Variants in TRIO observed in about 807,000 individuals in gnomAD.
TRIO encodes trio Rho guanine nucleotide exchange factor, also known as triple functional domain protein.
TRIO carries 58 observed loss-of-function variants against 351.9 expected under a neutral mutation model. The observed-to-expected ratio is 0.16, with a 90% CI of 0.13 to 0.21. The LOEUF (loss-of-function observed/expected upper bound fraction) is 0.21. Among genes scored for constraint, TRIO ranks in the 10% least tolerant of loss-of-function variants. TRIO has a pLI of 1.00. For synonymous variants in TRIO, 1,758 were observed against 1,595.7 expected (o/e 1.10, Z -2.42); for missense variants, 3,201 against 4,027.8 (o/e 0.79, Z 5.56).
At chr5:14,492,166 CT>C (rs1756535000) in intron 48 of TRIO, among the ~76,000 whole-genome samples, 1 of 152,126 alleles carries the variant, frequency 6.6e-6, no homozygotes, top group Non-Finnish European at 1.5e-5. Flanking sequence ...TCAATTAATT[CT>C]AATACCTTTT....
Position 14,479,978 on chromosome 5 carries a change from G to A in TRIO, c.6303G>A (p.Val2101=), listed in dbSNP as rs745857186. 5.6e-6 allele frequency: 9 copies of A among 1,614,186 alleles called. No homozygotes were observed. In the South Asian group the frequency reaches 9.9e-5, roughly 18 times the overall value. ...LQLTDLLIKP[V]QRIMKYQLLL... Reference sequence around the variant, plus strand: ...TCACAGATCTGTTGATCAAACCAGTGCAGAGAATCATGAAGTATCAGCTGT... The same window carrying A: ...TCACAGATCTGTTGATCAAACCAGTACAGAGAATCATGAAGTATCAGCTGT... The change falls in exon 43 of 57, where the codon GTG becomes GTA. Residue 2101 remains valine (V), a synonymous_variant. Transcript: ENST00000344204.
chr5:14,211,160 TA>T (rs1791865858), intron 1 of TRIO, among the ~76,000 whole-genome samples: 1 of 152,242 alleles, frequency 6.6e-6, no homozygotes. Context: ...AAGTTATAGT[TA>T]GATCAACGAT....
chr5:14,359,256 C>T (rs867795096), intron 12 of TRIO, 101 bp from the exon 13 acceptor site: 2 of 1,436,546 alleles, frequency 1.4e-6, no homozygotes, highest in Middle Eastern at 1.8e-4. Context: ...AGTGCAGCTT[C>T]CTGCCAGCTT....
At position 14,189,736 on chromosome 5, in the gene TRIO, T is replaced by A. The variant is rs201521398; in HGVS notation, c.157+45854T>A. ...GAATGTCTTCGTTTTAACTTTTTTT[T>A]TTTTTTCAAGATGGGGTGAGGTCTT... is the stretch of plus-strand genomic sequence containing the variant. On this transcript the variant is annotated intron_variant, in intron 1 of 56. Coordinates refer to ENST00000344204, the MANE Select transcript of TRIO (RefSeq NM_007118.4). Among the ~76,000 whole-genome samples the A allele has an allele frequency of 7.0e-4, 107 of 152,208 alleles. No individual in the cohort carries two copies. The East Asian group carries it at 0.019, about 27-fold the overall frequency.
chr5:14,271,707 A>G (rs1795984989), intron 2 of TRIO, among the ~76,000 whole-genome samples: 1 of 152,216 alleles, frequency 6.6e-6, no homozygotes, highest in African/African-American at 2.4e-5. Flanking sequence ...ATGCTTTTAG[A>G]TGAATTTCCC....
chr5:14,361,402 C>T (rs1473737238), intron 13 of TRIO, among the ~76,000 whole-genome samples: 1 of 152,180 alleles, frequency 6.6e-6, no homozygotes, highest in African/African-American at 2.4e-5. Flanking sequence ...GCAGAGGAAG[C>T]TGTACCTGCA....
At chr5:14,213,251 CCTCTT>C (rs1258401035) in intron 1 of TRIO, among the ~76,000 whole-genome samples, 1 of 151,678 alleles carries the variant, frequency 6.6e-6, no homozygotes, top group Non-Finnish European at 1.5e-5. Context: ...CTCTTCTTCC[CCTCTT>C]CTCTCTCAAA....
chr5:14,184,100 T>A (rs116540925), intron 1 of TRIO: 387 of 605,230 alleles, frequency 6.4e-4, no homozygotes, highest in African/African-American at 6.2e-3. Context: ...TGACAGAGAA[T>A]GTTGTGTGTT....
intron 11 of TRIO, among the ~76,000 whole-genome samples, chr5:14,344,059 T>C (rs970767102): frequency 2.6e-5 from 4 of 152,276 alleles, no homozygotes; most frequent in African/African-American, 4.8e-5. Context: ...CTGCGCTCTT[T>C]AGTGCATTAA....
At chr5:14,278,714 A>G (rs1262571453) in intron 2 of TRIO, among the ~76,000 whole-genome samples, 4 of 152,234 alleles carry the variant, frequency 2.6e-5, no homozygotes, top group African/African-American at 7.2e-5. Context: ...AATTAGAGCC[A>G]TTGATGTTAC....
intron 49 of TRIO, among the ~76,000 whole-genome samples, chr5:14,495,576 C>T (rs1040566761): frequency 7.3e-6 from 1 of 136,084 alleles, no homozygotes; most frequent in South Asian, 2.4e-4. Flanking sequence ...AATCCCAGAA[C>T]GTTTGGAGGC....
chr5:14,259,426 T>G (rs1795216863), intron 1 of TRIO, among the ~76,000 whole-genome samples: 1 of 152,274 alleles, frequency 6.6e-6, no homozygotes, highest in Non-Finnish European at 1.5e-5. Flanking sequence ...TTCTCTTTGT[T>G]TTCTGCGTTA....
At position 14,196,891 on chromosome 5, in the gene TRIO, C is replaced by T. The variant is rs372589113; in HGVS notation, c.157+53009C>T. ...GAGTCATGTTCCAAAATTTTATATC[C>T]GAAAATTATCAAAGGCCATTTGGCC... On this transcript the variant is annotated intron_variant, in intron 1 of 56. Transcript: ENST00000344204. Among the ~76,000 whole-genome samples the T allele has an allele frequency of 5.9e-5, 9 of 152,106 alleles. No homozygotes were observed. The East Asian group carries it at 1.3e-3, about 23-fold the overall frequency.
chr5:14,282,442 G>A (rs1017916792), intron 3 of TRIO, among the ~76,000 whole-genome samples: 27 of 152,074 alleles, frequency 1.8e-4, no homozygotes, highest in African/African-American at 6.0e-4. Context: ...CTATATAGTG[G>A]TAACTTTGAC....
chr5:14,291,962 C>G (rs1217141668), intron 5 of TRIO, among the ~76,000 whole-genome samples: 1 of 152,030 alleles, frequency 6.6e-6, no homozygotes, highest in Non-Finnish European at 1.5e-5. Flanking sequence ...ATGTTTTATT[C>G]TTATGCACCA....
Position 14,329,874 on chromosome 5 carries a change from C to A in TRIO, c.1732-904C>A, listed in dbSNP as rs1220070790. Among the ~76,000 whole-genome samples the A allele has an allele frequency of 2.0e-5, 3 of 152,150 alleles. No individual in the cohort carries two copies. In the South Asian group the frequency reaches 6.2e-4, roughly 31 times the overall value. On this transcript the variant is annotated intron_variant, in intron 9 of 56. Transcript: ENST00000344204. ...TACCAAAACCTATGGGTGCCTAAGT[C>A]CTGCATTTGGTCCTCTGTATATGTG...
intron 1 of TRIO, among the ~76,000 whole-genome samples, chr5:14,214,742 A>G (rs1217396602): frequency 6.6e-6 from 1 of 152,242 alleles, no homozygotes; most frequent in Non-Finnish European, 1.5e-5. Flanking sequence ...CTTTGATGAT[A>G]CAGGACCTCA....
At chr5:14,225,959 T>G (rs144907932) in intron 1 of TRIO, among the ~76,000 whole-genome samples, 2 of 152,232 alleles carry the variant, frequency 1.3e-5, no homozygotes, top group East Asian at 3.9e-4. Flanking sequence ...GGGAAATAAA[T>G]TAAAAGTCAG....
In TRIO at chr5:14,335,238, T is replaced by C. The variant is rs369915839; in HGVS notation, c.1855-1298T>C. ...TACTTGTGTAATTCCATTCTACTAA[T>C]GTAACCAGTCTCCCAACTTGGAGGC... On this transcript the variant is annotated intron_variant, in intron 10 of 56. Coordinates refer to ENST00000344204, the MANE Select transcript of TRIO (RefSeq NM_007118.4). 1.6e-4 allele frequency among the ~76,000 whole-genome samples: 24 copies of C among 152,294 alleles called. No individual in the cohort carries two copies. In the East Asian group the frequency reaches 2.7e-3, roughly 17 times the overall value.
Sources: allele counts gnomAD v4.1 joint callset (sites outside exome capture counted in the v4.1 genomes callset), GRCh38; gene constraint gnomAD v4.1.1; transcripts MANE v1.5; gene names NCBI Gene and HGNC (gene_info 2026-07-23, HGNC 2026-07-21).